Variants in GNG2 observed in about 807,000 individuals in gnomAD.
GNG2 encodes G protein subunit gamma 2.
A neutral mutation model predicts 5.5 loss-of-function variants in GNG2; 5 were observed. The ratio of observed to expected loss-of-function variants is 0.91; its 90% confidence interval spans 0.48 to 1.92. GNG2 has a LOEUF of 1.92. GNG2 is among the 30% of genes most tolerant of loss of function. The pLI, the probability that GNG2 is intolerant of heterozygous loss-of-function variation, is 0.01. For missense variants in GNG2, 55 were observed against 88.4 expected (o/e 0.62, Z 1.52); for synonymous variants, 28 against 32.0 (o/e 0.88, Z 0.42).
chr14:51,900,275 T>A (rs947878016), intron 2 of GNG2, among the ~76,000 whole-genome samples: 7 of 152,188 alleles, frequency 4.6e-5, no homozygotes, highest in African/African-American at 1.7e-4. Flanking sequence ...TGGAGCATTT[T>A]TATATACTTA....
chr14:51,862,198 GA>G (rs200381459), intron 1 of GNG2, among the ~76,000 whole-genome samples: 8 of 150,978 alleles, frequency 5.3e-5, no homozygotes, highest in Admixed American at 6.6e-5. Flanking sequence ...AGCTACTAAA[GA>G]AAAAAAAAGT....
chr14:51,885,644 A>G (rs981467663), intron 2 of GNG2, among the ~76,000 whole-genome samples: 3 of 152,264 alleles, frequency 2.0e-5, no homozygotes, highest in South Asian at 2.1e-4. Context: ...AAATGTCATT[A>G]TTAATATTTC....
At chr14:51,867,870 A>G (rs2140115021) in intron 1 of GNG2, among the ~76,000 whole-genome samples, 1 of 151,850 alleles carries the variant, frequency 6.6e-6, no homozygotes, top group East Asian at 1.9e-4. Flanking sequence ...CATCTAGCTC[A>G]TTCTAGTGTG....
At chr14:51,882,880 C>T (rs1884182370) in intron 2 of GNG2, among the ~76,000 whole-genome samples, 2 of 151,782 alleles carry the variant, frequency 1.3e-5, no homozygotes, top group African/African-American at 4.8e-5. Flanking sequence ...CATGGTGGCA[C>T]ATGCCTGTAG....
intron 2 of GNG2, among the ~76,000 whole-genome samples, chr14:51,835,247 A>G (rs1008391236): frequency 1.3e-5 from 2 of 152,274 alleles, no homozygotes; most frequent in African/African-American, 4.8e-5. Flanking sequence ...CAGAAGAGGC[A>G]TAAAGGGCCA....
intron 2 of GNG2, among the ~76,000 whole-genome samples, chr14:51,932,886 A>T (rs1887747617): frequency 6.7e-6 from 1 of 150,196 alleles, no homozygotes. Context: ...ATTCTAGATT[A>T]TCCTGGGGGG....
chr14:51,924,766 A>C (rs1333153251), intron 2 of GNG2, among the ~76,000 whole-genome samples: 1 of 152,242 alleles, frequency 6.6e-6, no homozygotes, highest in African/African-American at 2.4e-5. Context: ...TGAAAGTGTA[A>C]ATAATTGGAG....
intron 2 of GNG2, among the ~76,000 whole-genome samples, chr14:51,852,762 A>G (rs1215046857): frequency 6.6e-6 from 1 of 152,264 alleles, no homozygotes; most frequent in African/African-American, 2.4e-5. Flanking sequence ...TACTAAAGTA[A>G]CGGAAATCAT....
intron 2 of GNG2, among the ~76,000 whole-genome samples, chr14:51,942,480 G>A (rs369028255): frequency 3.7e-4 from 57 of 152,092 alleles, no homozygotes; most frequent in African/African-American, 1.4e-3. Flanking sequence ...CTTCCTGGTT[G>A]GTTACCACTG....
At chr14:51,930,805 G>A (rs903077884) in intron 2 of GNG2, among the ~76,000 whole-genome samples, 4 of 152,300 alleles carry the variant, frequency 2.6e-5, no homozygotes, top group East Asian at 3.9e-4. Flanking sequence ...CATGGTGGAA[G>A]GTGAAGGGGG....
At chr14:51,829,998 A>G (rs1881139002) in intron 2 of GNG2, among the ~76,000 whole-genome samples, 1 of 152,098 alleles carries the variant, frequency 6.6e-6, no homozygotes, top group African/African-American at 2.4e-5. Flanking sequence ...GTGCACCACC[A>G]TGCCTGGCTA....
chr14:51,900,493 A>G (rs1016652882), intron 2 of GNG2, among the ~76,000 whole-genome samples: 3 of 151,382 alleles, frequency 2.0e-5, no homozygotes, highest in Non-Finnish European at 4.4e-5. Flanking sequence ...ACAGGGCAAT[A>G]AAACCATAAG....
intron 2 of GNG2, among the ~76,000 whole-genome samples, chr14:51,948,275 A>G (rs1888756023): frequency 6.6e-6 from 1 of 152,248 alleles, no homozygotes. Flanking sequence ...TTACTAATGA[A>G]GAAGAAAGGA....
chr14:51,881,933 C>T (rs946098032), intron 2 of GNG2, among the ~76,000 whole-genome samples: 2 of 151,902 alleles, frequency 1.3e-5, no homozygotes, highest in African/African-American at 4.8e-5. Context: ...TTCTTCCTTC[C>T]AGGACTTTCA....
chr14:51,841,428 C>T (rs1881478377), intron 2 of GNG2: 1 of 620,694 alleles, frequency 1.6e-6, no homozygotes, highest in Non-Finnish European at 2.9e-6. Flanking sequence ...AAGCCTGGCA[C>T]TGTTTGTTCT....
intron 2 of GNG2, among the ~76,000 whole-genome samples, chr14:51,834,322 G>A (rs1881277449): frequency 6.6e-6 from 1 of 152,214 alleles, no homozygotes; most frequent in South Asian, 2.1e-4. Flanking sequence ...TGTGGTGGCT[G>A]GATACCAGCA....
intron 3 of GNG2, among the ~76,000 whole-genome samples, chr14:51,960,214 G>T (rs1889514792): frequency 6.7e-6 from 1 of 148,872 alleles, no homozygotes. Flanking sequence ...ACTTCATTTT[G>T]GATAGTTTCT....
intron 2 of GNG2, among the ~76,000 whole-genome samples, chr14:51,946,951 A>G (rs72678149): frequency 0.31 from 47,847 of 152,044 alleles, 8,464 homozygotes; most frequent in Non-Finnish European, 0.39. Flanking sequence ...AAAGGGAAAA[A>G]TGCACTAATT....
At chr14:51,949,454 T>G (rs1273398667) in intron 2 of GNG2, among the ~76,000 whole-genome samples, 2 of 152,232 alleles carry the variant, frequency 1.3e-5, no homozygotes, top group Non-Finnish European at 2.9e-5. Flanking sequence ...TTCTGTGTGT[T>G]CTTTTTCTTT....
Sources: allele counts gnomAD v4.1 joint callset (sites outside exome capture counted in the v4.1 genomes callset), GRCh38; gene constraint gnomAD v4.1.1; transcripts MANE v1.5; gene names NCBI Gene and HGNC (gene_info 2026-07-23, HGNC 2026-07-21).